Variants in BCL6 observed in about 807,000 individuals in gnomAD.
BCL6 encodes the protein BCL6 transcription repressor.
BCL6 carries 7 observed loss-of-function variants against 59.5 expected under a neutral mutation model. That is an observed-to-expected ratio of 0.12 (90% CI 0.07 to 0.22). The LOEUF (loss-of-function observed/expected upper bound fraction) is 0.22. Among genes scored for constraint, BCL6 ranks in the 10% least tolerant of loss-of-function variants. The pLI, the probability that BCL6 is intolerant of heterozygous loss-of-function variation, is 1.00. For synonymous variants in BCL6, 339 were observed against 349.7 expected (o/e 0.97, Z 0.34); for missense variants, 685 against 939.4 (o/e 0.73, Z 3.54).
intron 1 of BCL6, among the ~76,000 whole-genome samples, chr3:187,744,952 A>G: frequency 1.3e-5 from 2 of 152,250 alleles, no homozygotes; most frequent in East Asian, 1.9e-4. Flanking sequence ...GGGGCCAGAC[A>G]GCCCCCAGAC....
chr3:187,734,708 T>C (rs1414584529), intron 2 of BCL6, 161 bp downstream of exon 2: 1 of 152,648 alleles, frequency 6.6e-6, no homozygotes, highest in Non-Finnish European at 1.5e-5. Context: ...GACAGTCTAA[T>C]ACAGAGGTGA....
Position 187,745,443 on chromosome 3 carries a change from T to A in BCL6, c.-83A>T, listed in dbSNP as rs1576887004. On this transcript the variant is annotated 5_prime_UTR_variant, in exon 1 of 10. It removes an upstream start codon present in the reference 5' UTR. Transcript: ENST00000406870. ...CGGCCTTTCCTAGAAACTTCTTGCA[T>A]CACCACTTCTAAGAACCCCAGTTCT... 1 of 399,580 alleles carries A rather than the reference T, an allele frequency of 2.5e-6. No individual in the cohort carries two copies. The highest frequency in any genetic ancestry group is 3.6e-5 in the East Asian group (1 of 28,078). 24.8% of individuals were successfully genotyped at this position (399,580 alleles called of 1,614,324 possible). A position where few individuals can be genotyped will look rare whatever the true frequency, so the allele number is the denominator to read the frequency against.
chr3:187,733,760 A>T (rs746296864), intron 2 of BCL6, 57 bp from the exon 3 acceptor site: 1 of 1,590,626 alleles, frequency 6.3e-7, no homozygotes, highest in South Asian at 1.1e-5. Flanking sequence ...CCTGCTTGCC[A>T]CAGGTATCAG....
intron 1 of BCL6, among the ~76,000 whole-genome samples, chr3:187,742,964 TG>T (rs1441413924): frequency 6.6e-6 from 1 of 151,974 alleles, no homozygotes; most frequent in African/African-American, 2.4e-5. Flanking sequence ...CAAAGGCTCT[TG>T]GTAGTAAATA....
Position 187,729,204 on chromosome 3 carries a change from C to A in BCL6, c.1201G>T (p.Gly401Cys), listed in dbSNP as rs777170865. The A allele has an allele frequency of 3.1e-6, 5 of 1,613,840 alleles. No homozygotes were observed. Residue 401 changes from glycine (G) to cysteine (C), a missense_variant, in exon 5 of 10, where the codon GGC becomes TGC. Around this residue, in one of 7 missense-constraint regions of BCL6, gnomAD observed 207 missense variants for 213.7 expected, o/e 0.97. Coordinates refer to ENST00000406870, the MANE Select transcript of BCL6 (RefSeq NM_001706.5). This position sits in a 1 kb window ranked among gnomAD's most constrained non-coding sequence, Gnocchi z 5.6. The stretch of plus-strand genomic sequence containing the variant: ...GTGTAGGCTCGTGGGGAAAGGCGGC[C>A]CAGCTCAGCCTGCTCAGGCCCCTCT... ...KPEGPEQAEL[G>C]RLSPRAYTAP...
At chr3:187,743,763 C>T (rs920649737) in intron 1 of BCL6, among the ~76,000 whole-genome samples, 11 of 148,772 alleles carry the variant, frequency 7.4e-5, no homozygotes, top group African/African-American at 2.5e-4. Flanking sequence ...CGGAGCTCAG[C>T]CGATTTCTGA....
At chr3:187,728,581 G>A (rs1218296337) in intron 5 of BCL6, 37 bp from the exon 6 acceptor site, 4 of 1,574,292 alleles carry the variant, frequency 2.5e-6, no homozygotes, top group Non-Finnish European at 3.4e-6. Flanking sequence ...AGCACCTGGG[G>A]CAGGGCCTCA....
intron 6 of BCL6, 107 bp from the exon 7 acceptor site, chr3:187,727,005 G>T: frequency 7.7e-7 from 1 of 1,296,518 alleles, no homozygotes; most frequent in Non-Finnish European, 1.1e-6. Context: ...TGAACTCTCA[G>T]TCCCTCACTC....
chr3:187,745,089 T>C (rs1711865336), intron 1 of BCL6, among the ~76,000 whole-genome samples: 1 of 151,488 alleles, frequency 6.6e-6, no homozygotes, highest in Admixed American at 6.6e-5. Flanking sequence ...GGCAAAAGCC[T>C]CCCCAAACCG....
intron 1 of BCL6, among the ~76,000 whole-genome samples, chr3:187,743,719 T>A: frequency 6.6e-6 from 1 of 151,260 alleles, no homozygotes; most frequent in South Asian, 2.1e-4. Context: ...CCCTAGCTCC[T>A]GCTGCCCCCC....
Position 187,729,156 on chromosome 3 carries a change from G to C in BCL6, c.1249C>G (p.Pro417Ala), listed in dbSNP as rs376807699. The change falls in exon 5 of 10, where the codon CCC (proline) becomes GCC (alanine). Residue 417 changes from proline (P) to alanine (A), a missense_variant. Physicochemically the swap from Pro to Ala is conservative, Grantham distance 27. Coordinates refer to ENST00000406870, the MANE Select transcript of BCL6 (RefSeq NM_001706.5). This position sits in a 1 kb window ranked among gnomAD's most constrained non-coding sequence, Gnocchi z 5.6. ...AGGTCAAGGTTCTCAGGCTCCATGG[G>C]TGGCTGGCAGGCAGGTGGGGCCGTG... ...AYTAPPACQP[P>A]MEPENLDLQS... 4.7e-5 allele frequency: 76 copies of C among 1,608,432 alleles called. No homozygotes were observed. The highest frequency in any genetic ancestry group is 6.1e-5 in the Non-Finnish European group (72 of 1,176,258).
At chr3:187,732,939 T>A (rs1281929472) in intron 3 of BCL6, among the ~76,000 whole-genome samples, 1 of 152,142 alleles carries the variant, frequency 6.6e-6, no homozygotes, top group African/African-American at 2.4e-5. Context: ...CCTTTTACCA[T>A]CTATAAAATG....
chr3:187,722,164 C>T lies in BCL6; in HGVS notation c.*294G>A, dbSNP rs1718452292. ...AAAGTCAAGTCAGAACTTTTGCATA[C>T]TCCCCTGCTTTGACATATAAAATGA... On this transcript the variant is annotated 3_prime_UTR_variant, in exon 10 of 10. Transcript: ENST00000406870. The T allele has an allele frequency of 3.4e-6, 1 of 296,450 alleles. No homozygotes were observed. The highest frequency in any genetic ancestry group is 6.2e-6 in the Non-Finnish European group (1 of 160,352). The allele number at this position is 296,450 out of a possible 1,614,324, so 18.4% of individuals were successfully genotyped here.
chr3:187,736,274 C>G (rs905524855), intron 1 of BCL6: 1 of 152,246 alleles, frequency 6.6e-6, no homozygotes, highest in African/African-American at 2.4e-5. Context: ...ACAAAAGAAC[C>G]TATCTCCTCC....
chr3:187,743,447 A>C (rs112580064), intron 1 of BCL6, among the ~76,000 whole-genome samples: 5 of 152,116 alleles, frequency 3.3e-5, no homozygotes, highest in Non-Finnish European at 7.4e-5. Flanking sequence ...TATCTGCTCA[A>C]CTGTCAGGAC....
At chr3:187,744,747 G>T in intron 1 of BCL6, among the ~76,000 whole-genome samples, 1 of 152,216 alleles carries the variant, frequency 6.6e-6, no homozygotes, top group South Asian at 2.1e-4. Flanking sequence ...GAAGGACAGG[G>T]GAAGGGAAGG....
At chr3:187,742,959 G>A (rs1190290708) in intron 1 of BCL6, among the ~76,000 whole-genome samples, 2 of 152,050 alleles carry the variant, frequency 1.3e-5, no homozygotes, top group African/African-American at 4.8e-5. Context: ...AGTGCCAAAG[G>A]CTCTTGGTAG....
At chr3:187,743,580 T>TTAAAACTCATTATTGCAGCACTAGTTC in intron 1 of BCL6, among the ~76,000 whole-genome samples, 1 of 152,246 alleles carries the variant, frequency 6.6e-6, no homozygotes, top group African/African-American at 2.4e-5. Flanking sequence ...TGGGGGAGCT[T>TTAAAACTCATTATTGCAGCACTAGTTC]TAAAACTCAT....
intron 1 of BCL6, among the ~76,000 whole-genome samples, chr3:187,743,801 G>C (rs1270385013): frequency 2.1e-5 from 2 of 95,080 alleles, no homozygotes; most frequent in Non-Finnish European, 4.0e-5. Flanking sequence ...CTCCCTCCCC[G>C]GGCCGCCGCC....
Sources: gnomAD v4.1 joint callset for allele counts (sites outside exome capture counted in the v4.1 genomes callset) on GRCh38, gnomAD v4.1.1 for gene constraint, gnomAD v4.1.1 regional missense constraint, Gnocchi (gnomAD v3.1) non-coding constraint, MANE v1.5 for transcripts, NCBI Gene and HGNC (gene_info 2026-07-23, HGNC 2026-07-21) for gene names.